The following YWHAQ variants were observed in gnomAD, a reference collection of about 807,000 sequenced individuals.
YWHAQ encodes tyrosine 3-monooxygenase/tryptophan 5-monooxygenase activation protein theta.
YWHAQ carries 6 observed loss-of-function variants against 28.3 expected under a neutral mutation model. The observed-to-expected ratio is 0.21, with a 90% CI of 0.12 to 0.42. The LOEUF is 0.42. Ranked by LOEUF, YWHAQ falls within the 10% of genes least tolerant of loss-of-function variation. The probability of loss-of-function intolerance (pLI) is 1.00; values close to 1 mark genes in which losing one functional copy is unlikely to be tolerated. For missense variants in YWHAQ, 201 were observed against 305.6 expected (o/e 0.66, Z 2.55); for synonymous variants, 143 against 119.1 (o/e 1.20, Z -1.31).
Position 9,588,752 on chromosome 2 carries a change from C to G in YWHAQ, c.419-424G>C, listed in dbSNP as rs187478291. Among the ~76,000 whole-genome samples the G allele has an allele frequency of 2.2e-4, 33 of 152,090 alleles. No homozygotes were observed. The East Asian group carries it at 6.0e-3, about 28-fold the overall frequency. ...CACCACTGCACTCCAGCTTGGGCAA[C>G]AGAACGATACTCTGTGTCAAAAACA... On this transcript the variant is annotated intron_variant, in intron 3 of 5. Transcript: ENST00000238081.
chr2:9,603,728 A>G (rs1309064959), intron 2 of YWHAQ, among the ~76,000 whole-genome samples: 2 of 151,890 alleles, frequency 1.3e-5, no homozygotes, highest in Non-Finnish European at 2.9e-5. Flanking sequence ...GTTCGAGAGC[A>G]GCCTGGCTAG....
At chr2:9,603,294 G>A (rs1666751053) in intron 2 of YWHAQ, among the ~76,000 whole-genome samples, 1 of 146,492 alleles carries the variant, frequency 6.8e-6, no homozygotes, top group South Asian at 2.1e-4. Flanking sequence ...TTTTGAGCTG[G>A]AGTCTCGCTC....
At chr2:9,606,103 T>C (rs183163051) in intron 2 of YWHAQ, among the ~76,000 whole-genome samples, 278 of 152,346 alleles carry the variant, frequency 1.8e-3, no homozygotes, top group Non-Finnish European at 3.4e-3. Context: ...ACACTTAAGC[T>C]GCTTCCAATC....
At chr2:9,605,957 C>T (rs187825366) in intron 2 of YWHAQ, among the ~76,000 whole-genome samples, 46 of 152,314 alleles carry the variant, frequency 3.0e-4, no homozygotes, top group African/African-American at 1.0e-3. Context: ...TACACCTTAG[C>T]TTTTCCATTT....
At chr2:9,627,483 T>C (rs1558552780) in intron 2 of YWHAQ, among the ~76,000 whole-genome samples, 2 of 152,192 alleles carry the variant, frequency 1.3e-5, no homozygotes, top group Admixed American at 6.5e-5. Flanking sequence ...TATAACTTCC[T>C]TATCTGTCAG....
rs143350262 is a variant in YWHAQ, at chr2:9,591,598, G to A, written c.295-83C>T. 32 of 1,496,686 alleles carry A rather than the reference G, an allele frequency of 2.1e-5. No homozygotes were observed. In the Admixed American group the frequency reaches 2.5e-4, roughly 12 times the overall value. 92.7% of individuals were successfully genotyped at this position (1,496,686 alleles called of 1,614,324 possible). A position where few individuals can be genotyped will look rare whatever the true frequency, so the allele number is the denominator to read the frequency against. ...TTAAATGATAAAACTTCTGCCTAGC[G>A]GGCATTTCAATCATTTACTACTACA... On this transcript the variant is annotated intron_variant, in intron 2 of 5. Transcript: ENST00000238081.
At chr2:9,609,126 T>C (rs922503100) in intron 2 of YWHAQ, among the ~76,000 whole-genome samples, 2 of 152,134 alleles carry the variant, frequency 1.3e-5, no homozygotes, top group Non-Finnish European at 2.9e-5. Flanking sequence ...GCTGGATACA[T>C]AGGGTTACTA....
chr2:9,596,872 T>C (rs1666582077), intron 2 of YWHAQ, among the ~76,000 whole-genome samples: 1 of 152,190 alleles, frequency 6.6e-6, no homozygotes, highest in Non-Finnish European at 1.5e-5. Context: ...CTCGAACTCC[T>C]GACCTCAAGG....
chr2:9,629,060 G>C (rs751178426), intron 2 of YWHAQ: 4 of 151,522 alleles, frequency 2.6e-5, no homozygotes, highest in Non-Finnish European at 4.4e-5. Flanking sequence ...AGGCGGCTTG[G>C]GGGGTGGGGG....
intron 2 of YWHAQ, among the ~76,000 whole-genome samples, chr2:9,619,951 C>T (rs1000563879): frequency 6.6e-6 from 1 of 151,992 alleles, no homozygotes; most frequent in African/African-American, 2.4e-5. Context: ...GTGGAATGTA[C>T]AAAACAAGAG....
intron 2 of YWHAQ, among the ~76,000 whole-genome samples, chr2:9,599,064 T>C (rs751194205): frequency 4.6e-5 from 7 of 152,218 alleles, no homozygotes; most frequent in African/African-American, 7.2e-5. Flanking sequence ...AACAGACTTA[T>C]TGATGATATG....
At chr2:9,621,283 C>T (rs1416117594) in intron 2 of YWHAQ, among the ~76,000 whole-genome samples, 1 of 152,154 alleles carries the variant, frequency 6.6e-6, no homozygotes, top group Non-Finnish European at 1.5e-5. Context: ...TAGCACTCAT[C>T]ACCCAAACAA....
chr2:9,611,971 G>A (rs1267023114), intron 2 of YWHAQ, among the ~76,000 whole-genome samples: 1 of 152,156 alleles, frequency 6.6e-6, no homozygotes, highest in African/African-American at 2.4e-5. Context: ...GCCCATCCCT[G>A]TTTCTATACT....
chr2:9,584,330 C>G lies in YWHAQ; in HGVS notation c.*956G>C, dbSNP rs980960095. 4.6e-4 allele frequency: 70 copies of G among 152,592 alleles called. No individual in the cohort carries two copies. Among genetic ancestry groups the G allele is most frequent in the African/African-American group, 1.7e-3 (69 of 41,438 alleles). The allele number at this position is 152,592 out of a possible 1,614,324, so 9.5% of individuals were successfully genotyped here. Reference sequence around the variant, plus strand: ...TGTTACATAGGGCATAACATTTTCACAAGGCTTTTTTGGGACTACAGTCAA... The same window carrying G: ...TGTTACATAGGGCATAACATTTTCAGAAGGCTTTTTTGGGACTACAGTCAA... On this transcript the variant is annotated 3_prime_UTR_variant, in exon 6 of 6. Coordinates refer to ENST00000238081, the MANE Select transcript of YWHAQ (RefSeq NM_006826.4).
At chr2:9,599,614 G>C (rs888600185) in intron 2 of YWHAQ, among the ~76,000 whole-genome samples, 40 of 152,186 alleles carry the variant, frequency 2.6e-4, no homozygotes, top group African/African-American at 9.2e-4. Context: ...CCTGGATGAC[G>C]GCATCTGTTT....
intron 2 of YWHAQ, among the ~76,000 whole-genome samples, chr2:9,628,427 C>T (rs1480917837): frequency 6.6e-6 from 1 of 152,180 alleles, no homozygotes; most frequent in African/African-American, 2.4e-5. Flanking sequence ...TCATAAAAAG[C>T]AGAATTTATA....
intron 2 of YWHAQ, among the ~76,000 whole-genome samples, chr2:9,595,886 T>C (rs972072581): frequency 1.3e-5 from 2 of 152,078 alleles, no homozygotes; most frequent in Non-Finnish European, 2.9e-5. Flanking sequence ...ACAGTGTTAC[T>C]TGACTGAGGG....
intron 2 of YWHAQ, among the ~76,000 whole-genome samples, chr2:9,595,509 A>G (rs2125064320): frequency 6.6e-6 from 1 of 152,108 alleles, no homozygotes; most frequent in Non-Finnish European, 1.5e-5. Context: ...GTTCAAGACC[A>G]GCCTGACCAC....
intron 2 of YWHAQ, among the ~76,000 whole-genome samples, chr2:9,610,154 G>A (rs1666916075): frequency 6.6e-6 from 1 of 152,130 alleles, no homozygotes; most frequent in Non-Finnish European, 1.5e-5. Context: ...AGAAGAAAAT[G>A]TTTCACTAGA....
Sources: allele counts gnomAD v4.1 joint callset (sites outside exome capture counted in the v4.1 genomes callset), GRCh38; gene constraint gnomAD v4.1.1; transcripts MANE v1.5; gene names NCBI Gene and HGNC (gene_info 2026-07-23, HGNC 2026-07-21).